Variants in COX6B1 observed in about 807,000 individuals in gnomAD.
The protein encoded by COX6B1 is cytochrome c oxidase subunit 6B1.
A neutral mutation model predicts 14.0 loss-of-function variants in COX6B1; 2 were observed. The observed-to-expected ratio is 0.14, with a 90% CI of 0.06 to 0.45. The LOEUF is 0.45. Ranked by LOEUF, COX6B1 falls within the 20% of genes least tolerant of loss-of-function variation. The pLI is 0.98. For synonymous variants in COX6B1, 30 were observed against 39.7 expected (o/e 0.76, Z 0.92); for missense variants, 81 against 114.2 (o/e 0.71, Z 1.33).
intron 3 of COX6B1, among the ~76,000 whole-genome samples, chr19:35,655,783 C>CTCTCTT (rs1336804970): frequency 1.3e-5 from 2 of 150,278 alleles, no homozygotes; most frequent in African/African-American, 5.0e-5. Context: ...CTCTCTCTCT[C>CTCTCTT]TCTCTTTGTC....
intron 3 of COX6B1, among the ~76,000 whole-genome samples, chr19:35,655,679 G>A (rs138279813): frequency 3.3e-5 from 5 of 151,230 alleles, no homozygotes; most frequent in African/African-American, 1.2e-4. Flanking sequence ...GGCTAGACTC[G>A]AACTCCTGGG....
intron 2 of COX6B1, among the ~76,000 whole-genome samples, chr19:35,653,382 C>T (rs986892901): frequency 2.0e-5 from 3 of 150,600 alleles, no homozygotes; most frequent in African/African-American, 4.9e-5. Flanking sequence ...AAGCAATTCT[C>T]CTGCCTCAGC....
At chr19:35,652,891 C>T (rs1023478184) in intron 2 of COX6B1, among the ~76,000 whole-genome samples, 3 of 151,500 alleles carry the variant, frequency 2.0e-5, no homozygotes, top group Admixed American at 2.0e-4. Context: ...CTCTGCCTCC[C>T]GGGTTCAAGT....
At chr19:35,653,338 C>CGTGAT (rs1241165219) in intron 2 of COX6B1, among the ~76,000 whole-genome samples, 10 of 137,574 alleles carry the variant, frequency 7.3e-5, no homozygotes, top group East Asian at 4.6e-4. Flanking sequence ...AGTGGTACAA[C>CGTGAT]CTTGGCTCAC....
intron 3 of COX6B1, among the ~76,000 whole-genome samples, chr19:35,655,596 C>G (rs1209425288): frequency 6.6e-6 from 1 of 150,532 alleles, no homozygotes; most frequent in Non-Finnish European, 1.5e-5. Flanking sequence ...TTTAATAGCT[C>G]TTTGCTATGC....
At chr19:35,650,505 A>AGTTGG (rs1483452271) in intron 1 of COX6B1, among the ~76,000 whole-genome samples, 3 of 152,108 alleles carry the variant, frequency 2.0e-5, no homozygotes, top group Non-Finnish European at 4.4e-5. Context: ...TGAGGTCAGA[A>AGTTGG]GTTGGAGAGC....
At chr19:35,650,104 A>T (rs1202063508) in intron 1 of COX6B1, among the ~76,000 whole-genome samples, 1 of 151,880 alleles carries the variant, frequency 6.6e-6, no homozygotes, top group Non-Finnish European at 1.5e-5. Flanking sequence ...CCTGGGTTTA[A>T]GCGATTCTTT....
At position 35,654,664 on chromosome 19, in the gene COX6B1, C is replaced by T. The variant is rs377025450; in HGVS notation, c.200C>T (p.Thr67Ile). The part of the protein sequence containing the change: ...YQRVYQSLCP[T>I]SWVTDWDEQR... ...CGTGTGTACCAGTCCCTCTGCCCCA[C>T]ATCCTGGGTATGTGCCTCCTGCCAG... is the stretch of plus-strand genomic sequence containing the variant. Residue 67 changes from threonine to isoleucine, a missense_variant, in exon 3 of 4, where the codon ACA (threonine) becomes ATA (isoleucine). Coordinates refer to ENST00000649813, the MANE Select transcript of COX6B1 (RefSeq NM_001863.5). 38 of 1,614,110 alleles carry T rather than the reference C, an allele frequency of 2.4e-5. No homozygotes were observed. In the East Asian group the frequency reaches 2.9e-4, roughly 12 times the overall value.
chr19:35,654,761 G>A (rs1205239898), intron 3 of COX6B1, 90 bp downstream of exon 3: 2 of 1,152,490 alleles, frequency 1.7e-6, no homozygotes, highest in Non-Finnish European at 2.6e-6. Context: ...CATCTGTGAG[G>A]GGCAGAGGGA....
At chr19:35,654,233 T>G (rs963344794) in intron 2 of COX6B1, among the ~76,000 whole-genome samples, 4 of 152,208 alleles carry the variant, frequency 2.6e-5, no homozygotes, top group African/African-American at 4.8e-5. Flanking sequence ...TCTTTATAAA[T>G]GTAATTTTGC....
rs1967785075 is a variant in COX6B1, at chr19:35,648,397, C to T, written c.-18C>T. ...TGAGCTGCAGGTTGAATCCGGGGTG[C>T]CTTTAGGTGAGTGTGGAGGGTTCTG... On this transcript the variant is annotated 5_prime_UTR_variant, in exon 1 of 4. Coordinates refer to ENST00000649813, the MANE Select transcript of COX6B1 (RefSeq NM_001863.5). 1 of 160,218 alleles carries T rather than the reference C, an allele frequency of 6.2e-6. No individual in the cohort carries two copies. Among genetic ancestry groups the T allele is most frequent in the Non-Finnish European group, 1.4e-5 (1 of 72,154 alleles). 9.9% of individuals were successfully genotyped at this position (160,218 alleles called of 1,614,324 possible). A position where few individuals can be genotyped will look rare whatever the true frequency, so the allele number is the denominator to read the frequency against.
intron 1 of COX6B1, among the ~76,000 whole-genome samples, chr19:35,650,856 A>G (rs1372776749): frequency 6.6e-6 from 1 of 152,158 alleles, no homozygotes; most frequent in African/African-American, 2.4e-5. Context: ...GTTTAACCGT[A>G]GGAAGTCACT....
intron 3 of COX6B1, among the ~76,000 whole-genome samples, chr19:35,657,282 A>G (rs530426433): frequency 4.6e-5 from 7 of 151,914 alleles, no homozygotes; most frequent in Non-Finnish European, 8.8e-5. Context: ...CATGCAGCCT[A>G]GATCCCTCAC....
intron 3 of COX6B1, among the ~76,000 whole-genome samples, chr19:35,655,039 T>C (rs1316649945): frequency 2.0e-5 from 3 of 150,230 alleles, no homozygotes; most frequent in African/African-American, 5.0e-5. Flanking sequence ...TTTTTTTTTT[T>C]AGACAAGGGT....
chr19:35,650,635 G>C (rs1201712095), intron 1 of COX6B1, among the ~76,000 whole-genome samples: 1 of 151,974 alleles, frequency 6.6e-6, no homozygotes, highest in African/African-American at 2.4e-5. Context: ...TTGAATCTTG[G>C]AGGCGGAGTT....
At chr19:35,654,792 C>A in intron 3 of COX6B1, 121 bp downstream of exon 3, 2 of 816,566 alleles carry the variant, frequency 2.4e-6, no homozygotes, top group Non-Finnish European at 4.0e-6. Context: ...CCACACTGTC[C>A]CAGGACTCAG....
intron 3 of COX6B1, among the ~76,000 whole-genome samples, chr19:35,656,413 A>G (rs7254601): frequency 0.22 from 32,586 of 150,352 alleles, 3,766 homozygotes; most frequent in South Asian, 0.35. Context: ...ATGGTGTGGT[A>G]TGTGTATGTA....
intron 3 of COX6B1, 128 bp from the exon 4 acceptor site, chr19:35,658,466 A>G (rs1967911156): frequency 3.9e-6 from 3 of 766,512 alleles, no homozygotes; most frequent in Non-Finnish European, 7.0e-6. Flanking sequence ...GGCCTCTAGA[A>G]TAGAGGTTGG....
chr19:35,652,643 A>C, intron 2 of COX6B1, among the ~76,000 whole-genome samples: 2 of 135,884 alleles, frequency 1.5e-5, no homozygotes, highest in African/African-American at 2.8e-5. Context: ...ACAAGGTTTC[A>C]CCATGTTGAT....
Sources: allele counts gnomAD v4.1 joint callset (sites outside exome capture counted in the v4.1 genomes callset), GRCh38; gene constraint gnomAD v4.1.1; transcripts MANE v1.5; gene names NCBI Gene and HGNC (gene_info 2026-07-23, HGNC 2026-07-21).